CRTC1: variants seen among roughly 807,000 people sequenced by gnomAD.
CRTC1 encodes CREB-regulated transcription coactivator 1.
CRTC1 carries 18 observed loss-of-function variants against 66.1 expected under a neutral mutation model. The ratio of observed to expected loss-of-function variants is 0.27; its 90% CI spans 0.19 to 0.40. The LOEUF (loss-of-function observed/expected upper bound fraction) is 0.40. Ranked by LOEUF, CRTC1 falls within the 10% of genes least tolerant of loss-of-function variation. The probability of loss-of-function intolerance (pLI) is 1.00; values close to 1 mark genes in which losing one functional copy is unlikely to be tolerated. For missense variants in CRTC1, 669 were observed against 887.9 expected, an observed-to-expected ratio of 0.75 and a Z score of 3.13; for synonymous variants, 416 against 398.8, an observed-to-expected ratio of 1.04 and a Z score of -0.51.
intron 6 of CRTC1, among the ~76,000 whole-genome samples, chr19:18,758,553 C>G (rs1482857816): frequency 6.6e-6 from 1 of 152,022 alleles, no homozygotes; most frequent in Non-Finnish European, 1.5e-5. Flanking sequence ...TGAGGGCTAC[C>G]CAAGCCCTAG....
At chr19:18,734,102 CA>C (rs113090036) in intron 1 of CRTC1, among the ~76,000 whole-genome samples, 2,655 of 130,746 alleles carry the variant, frequency 0.02, 91 homozygotes, top group African/African-American at 0.069. Context: ...GACTCCGTCT[CA>C]AAAAAAAAAA....
chr19:18,701,319 C>T (rs1345653574), intron 1 of CRTC1, among the ~76,000 whole-genome samples: 1 of 152,252 alleles, frequency 6.6e-6, no homozygotes, highest in Non-Finnish European at 1.5e-5. Context: ...GGGGTGCTCA[C>T]AGAGCCCCCT....
chr19:18,711,595 T>A (rs1600811062), intron 1 of CRTC1, among the ~76,000 whole-genome samples: 1 of 152,212 alleles, frequency 6.6e-6, no homozygotes, highest in South Asian at 2.1e-4. Context: ...ACGCTCCTGC[T>A]CCTGCCTGCC....
chr19:18,708,601 G>C (rs926552695), intron 1 of CRTC1, among the ~76,000 whole-genome samples: 1 of 152,198 alleles, frequency 6.6e-6, no homozygotes, highest in African/African-American at 2.4e-5. Flanking sequence ...TCTGGAAGCA[G>C]GGCTGGGGCG....
At chr19:18,712,604 C>T (rs1455938718) in intron 1 of CRTC1, among the ~76,000 whole-genome samples, 2 of 152,178 alleles carry the variant, frequency 1.3e-5, no homozygotes, top group African/African-American at 2.4e-5. Context: ...CATTTAGTAC[C>T]TTCTCAATAT....
chr19:18,706,180 G>GTGT (rs1568487122), intron 1 of CRTC1, among the ~76,000 whole-genome samples: 3 of 26,362 alleles, frequency 1.1e-4, no homozygotes, highest in Non-Finnish European at 2.3e-4. Flanking sequence ...TATTCCATTG[G>GTGT]TCTTTTTTTT....
chr19:18,781,675 C>T lies in CRTC1; in HGVS notation c.*4293C>T, dbSNP rs1212133308. 1 of 231,006 alleles carries T rather than the reference C, an allele frequency of 4.3e-6. No homozygotes were observed. Among genetic ancestry groups the T allele is most frequent in the Non-Finnish European group, 8.6e-6 (1 of 116,698 alleles). The allele number at this position is 231,006 out of a possible 1,614,324, so 14.3% of individuals were successfully genotyped here. A position where few individuals can be genotyped will look rare whatever the true frequency, so the allele number is the denominator to read the frequency against. On this transcript the variant is annotated 3_prime_UTR_variant, in exon 14 of 14. Coordinates refer to ENST00000321949, the MANE Select transcript of CRTC1 (RefSeq NM_015321.3). ...TCGTGATCCCAGCCTCAGTTTCTCT[C>T]TTGTCACTTTCTCAAACCTGCAGGT...
chr19:18,775,921 G>A (rs1601026651), intron 13 of CRTC1, 100 bp downstream of exon 13: 5 of 1,311,738 alleles, frequency 3.8e-6, no homozygotes, highest in Middle Eastern at 2.8e-4. Context: ...GGTTGACAGG[G>A]CCGGGGTTGT....
intron 1 of CRTC1, among the ~76,000 whole-genome samples, chr19:18,715,129 C>T (rs2053477253): frequency 6.6e-6 from 1 of 152,248 alleles, no homozygotes; most frequent in African/African-American, 2.4e-5. Flanking sequence ...ATCCCTCCTG[C>T]CTCTGGGGGC....
At chr19:18,750,058 G>T (rs1180957828) in intron 5 of CRTC1, among the ~76,000 whole-genome samples, 183 bp downstream of exon 5, 2 of 152,214 alleles carry the variant, frequency 1.3e-5, no homozygotes, top group African/African-American at 4.8e-5. Context: ...GTTGGATTTT[G>T]AAGAGTGCAT....
At chr19:18,716,795 C>T (rs1374607274) in intron 1 of CRTC1, among the ~76,000 whole-genome samples, 1 of 152,126 alleles carries the variant, frequency 6.6e-6, no homozygotes, top group Non-Finnish European at 1.5e-5. Flanking sequence ...TGTATTTGTC[C>T]AGGCAAGAGA....
rs879833942 is a variant in CRTC1, at chr19:18,782,061, G to C, written c.*4679G>C. ...AGTAGGAAACTGTCCCCTAGGGGCT[G>C]GGTGGCCCCACTGATATATGCAAAC... On this transcript the variant is annotated 3_prime_UTR_variant, in exon 14 of 14. Coordinates refer to ENST00000321949, the MANE Select transcript of CRTC1 (RefSeq NM_015321.3). 1.8e-3 allele frequency: 406 copies of C among 227,292 alleles called. 1 individual carries two copies. Among genetic ancestry groups the C allele is most frequent in the Non-Finnish European group, 1.4e-3 (164 of 114,280 alleles). 14.1% of individuals were successfully genotyped at this position (227,292 alleles called of 1,614,324 possible).
intron 10 of CRTC1, among the ~76,000 whole-genome samples, chr19:18,770,675 G>A (rs1395680263): frequency 3.3e-5 from 5 of 152,144 alleles, no homozygotes; most frequent in East Asian, 3.9e-4. Flanking sequence ...GTGTGCATGC[G>A]TGGGTATGTA....
chr19:18,709,917 C>T (rs918667515), intron 1 of CRTC1, among the ~76,000 whole-genome samples: 2 of 152,224 alleles, frequency 1.3e-5, no homozygotes, highest in African/African-American at 4.8e-5. Flanking sequence ...GGGAGGACAG[C>T]TCAGGTCACT....
intron 1 of CRTC1, among the ~76,000 whole-genome samples, chr19:18,700,383 G>T (rs567297580): frequency 6.6e-6 from 1 of 152,264 alleles, no homozygotes; most frequent in African/African-American, 2.4e-5. Context: ...AGACCACCAC[G>T]GTGCTTGGGG....
intron 1 of CRTC1, among the ~76,000 whole-genome samples, chr19:18,695,827 T>C (rs1011938266): frequency 6.6e-6 from 1 of 152,096 alleles, no homozygotes; most frequent in Non-Finnish European, 1.5e-5. Flanking sequence ...ATCGCGTCAC[T>C]GCGCTCCAGC....
At chr19:18,724,897 G>T (rs1218870669) in intron 1 of CRTC1, among the ~76,000 whole-genome samples, 1 of 150,014 alleles carries the variant, frequency 6.7e-6, no homozygotes, top group African/African-American at 2.5e-5. Context: ...GAGCTGACCT[G>T]CATCGAGCGC....
chr19:18,768,428 G>C lies in CRTC1; in HGVS notation c.1012-57G>C. On this transcript the variant is annotated intron_variant, in intron 9 of 13. Transcript: ENST00000321949. This position sits in a 1 kb window ranked among gnomAD's most constrained non-coding sequence, Gnocchi z 5.6. The stretch of plus-strand genomic sequence containing the variant: ...AGCATGCCAGGCTATGGGGGCCCGA[G>C]GGGGCCAGGCGCTGACAACCAGGGC... 6.7e-7 allele frequency: 1 copy of C among 1,485,024 alleles called. No homozygotes were observed. The highest frequency in any genetic ancestry group is 1.8e-5 in the Admixed American group (1 of 56,408). 92.0% of individuals were successfully genotyped at this position (1,485,024 alleles called of 1,614,324 possible). A position where few individuals can be genotyped will look rare whatever the true frequency, so the allele number is the denominator to read the frequency against.
intron 1 of CRTC1, among the ~76,000 whole-genome samples, chr19:18,720,287 C>T (rs1223815093): frequency 6.6e-6 from 1 of 152,120 alleles, no homozygotes; most frequent in South Asian, 2.1e-4. Context: ...CCTCAGCCTC[C>T]CGAGTAGCTG....
Sources: allele counts gnomAD v4.1 joint callset (sites outside exome capture counted in the v4.1 genomes callset), GRCh38; gene constraint gnomAD v4.1.1; non-coding constraint Gnocchi (gnomAD v3.1); transcripts MANE v1.5; gene names NCBI Gene and HGNC (gene_info 2026-07-23, HGNC 2026-07-21).